Variants in ACYP2 observed in about 807,000 individuals in gnomAD.
ACYP2 encodes acylphosphatase 2.
In ACYP2, 12 loss-of-function variants were observed where a neutral mutation model predicts 11.2. The observed-to-expected ratio is 1.08, with a 90% CI of 0.69 to 1.74. The LOEUF is 1.74. ACYP2 is among the 40% of genes most tolerant of loss of function. ACYP2 has a pLI of 0.00. For synonymous variants in ACYP2, 43 were observed against 32.2 expected (o/e 1.33, Z -1.13); for missense variants, 134 against 101.9 (o/e 1.31, Z -1.35).
chr2:54,068,581 G>A (rs1004783993), intron 4 of ACYP2, among the ~76,000 whole-genome samples: 4 of 152,194 alleles, frequency 2.6e-5, no homozygotes, highest in African/African-American at 4.8e-5. Flanking sequence ...GGCTCTGATG[G>A]TTTTTCAGTT....
intron 2 of ACYP2, among the ~76,000 whole-genome samples, chr2:54,036,451 G>A (rs1054597039): frequency 2.6e-5 from 4 of 152,218 alleles, no homozygotes; most frequent in African/African-American, 9.6e-5. Context: ...ATCTTTGGGG[G>A]CCTTATTCAG....
intron 2 of ACYP2, among the ~76,000 whole-genome samples, chr2:54,018,085 C>T (rs141415708): frequency 3.3e-5 from 5 of 152,260 alleles, no homozygotes; most frequent in Admixed American, 6.5e-5. Context: ...CGTGGGGAGA[C>T]GATGGACCTG....
chr2:54,027,808 A>G (rs1350339563), intron 2 of ACYP2, among the ~76,000 whole-genome samples: 1 of 143,218 alleles, frequency 7.0e-6, no homozygotes, highest in Non-Finnish European at 1.5e-5. Context: ...ATCAGATTAT[A>G]TTTAGTCATC....
At chr2:54,196,284 C>T (rs181558992) in intron 6 of ACYP2, among the ~76,000 whole-genome samples, 99 of 152,288 alleles carry the variant, frequency 6.5e-4, no homozygotes, top group East Asian at 7.7e-4. Context: ...GAAACCTCCG[C>T]TCACTGCAAT....
intron 6 of ACYP2, among the ~76,000 whole-genome samples, chr2:54,227,997 G>A (rs1447329230): frequency 6.6e-6 from 1 of 152,202 alleles, no homozygotes; most frequent in Non-Finnish European, 1.5e-5. Context: ...CATGATGACA[G>A]AGTAGCTATA....
chr2:54,141,789 G>T (rs1473234442), intron 6 of ACYP2: 1 of 461,044 alleles, frequency 2.2e-6, no homozygotes, highest in South Asian at 5.2e-5. Flanking sequence ...TTATTAAAAA[G>T]AAAACTTACA....
chr2:54,238,503 A>G (rs1291090575), intron 6 of ACYP2, among the ~76,000 whole-genome samples: 3 of 152,176 alleles, frequency 2.0e-5, no homozygotes, highest in African/African-American at 7.2e-5. Context: ...TTTAATTTGT[A>G]TGGTCTATAT....
chr2:54,175,792 C>T (rs1054153736), intron 6 of ACYP2, among the ~76,000 whole-genome samples: 1 of 152,122 alleles, frequency 6.6e-6, no homozygotes, highest in South Asian at 2.1e-4. Flanking sequence ...CCTGAACTTG[C>T]GCTGTACACA....
intron 4 of ACYP2, among the ~76,000 whole-genome samples, chr2:54,116,833 C>T (rs566237775): frequency 3.3e-5 from 5 of 152,186 alleles, no homozygotes; most frequent in East Asian, 3.9e-4. Flanking sequence ...AGGGTTGGAC[C>T]GCACAGTCTA....
At chr2:54,072,410 A>T (rs1296806966) in intron 4 of ACYP2, among the ~76,000 whole-genome samples, 1 of 151,906 alleles carries the variant, frequency 6.6e-6, no homozygotes, top group African/African-American at 2.4e-5. Flanking sequence ...AGCTCTAGTG[A>T]TCTTCCCACC....
intron 4 of ACYP2, chr2:54,080,236 G>C (rs1333918946): frequency 6.5e-6 from 1 of 152,764 alleles, no homozygotes; most frequent in Non-Finnish European, 1.5e-5. Flanking sequence ...ACATGGCTGT[G>C]ATCCTTTGTG....
At chr2:54,222,271 C>T (rs1168156569) in intron 6 of ACYP2, among the ~76,000 whole-genome samples, 5 of 151,980 alleles carry the variant, frequency 3.3e-5, no homozygotes, top group Non-Finnish European at 7.4e-5. Flanking sequence ...AATTACAGGC[C>T]AGGCGTGGTG....
At chr2:54,004,882 A>T (rs778241341) in intron 2 of ACYP2, among the ~76,000 whole-genome samples, 12 of 139,744 alleles carry the variant, frequency 8.6e-5, no homozygotes, top group Non-Finnish European at 1.8e-4. Flanking sequence ...GCAACAGTGC[A>T]AGACTCTGTC....
intron 2 of ACYP2, among the ~76,000 whole-genome samples, chr2:54,049,566 A>G (rs1221467015): frequency 6.6e-6 from 1 of 152,080 alleles, no homozygotes; most frequent in Non-Finnish European, 1.5e-5. Flanking sequence ...TTTCCTTTCA[A>G]AGCTGTGCAA....
Position 54,046,527 on chromosome 2 carries a change from T to C in ACYP2, c.63-4431T>C, listed in dbSNP as rs1396184038. ...AGGTTGCTTGAGAAATACATGTTGT[T>C]TGTCTCCAGGCTGAATCTGTATCTC... On this transcript the variant is annotated intron_variant, in intron 2 of 6. Transcript: ENST00000607452. Among the ~76,000 whole-genome samples, 4 of 152,054 alleles carry C rather than the reference T, an allele frequency of 2.6e-5. No homozygotes were observed. The East Asian group carries it at 5.8e-4, about 22-fold the overall frequency.
At chr2:54,012,960 C>T (rs1207338008) in intron 2 of ACYP2, among the ~76,000 whole-genome samples, 17 of 152,116 alleles carry the variant, frequency 1.1e-4, no homozygotes, top group East Asian at 1.9e-4. Context: ...GCTCTAGTTA[C>T]GCCAGCTCTT....
chr2:54,037,578 T>G (rs1434286318), intron 2 of ACYP2, among the ~76,000 whole-genome samples: 1 of 151,998 alleles, frequency 6.6e-6, no homozygotes, highest in African/African-American at 2.4e-5. Flanking sequence ...TAGTTAACTT[T>G]TAAATTTTTT....
intron 2 of ACYP2, among the ~76,000 whole-genome samples, chr2:53,974,701 A>G (rs1317488686): frequency 6.6e-5 from 10 of 152,060 alleles, no homozygotes; most frequent in Admixed American, 1.3e-4. Context: ...ATAGAATGAC[A>G]AAAGATCAAG....
intron 2 of ACYP2, among the ~76,000 whole-genome samples, chr2:53,993,003 C>T (rs559501512): frequency 3.3e-5 from 5 of 151,728 alleles, no homozygotes; most frequent in South Asian, 4.2e-4. Flanking sequence ...TCCAGGAGTT[C>T]GAGACCAGCC....
Sources: gnomAD v4.1 joint callset for allele counts (sites outside exome capture counted in the v4.1 genomes callset) on GRCh38, gnomAD v4.1.1 for gene constraint, MANE v1.5 for transcripts, NCBI Gene and HGNC (gene_info 2026-07-23, HGNC 2026-07-21) for gene names.